Variants in ANO8 observed in about 807,000 individuals in gnomAD.
The protein encoded by ANO8 is anoctamin 8.
In ANO8, 67 loss-of-function variants were observed where a neutral mutation model predicts 120.4. The observed-to-expected ratio is 0.56, with a 90% CI of 0.46 to 0.68. ANO8 has a LOEUF of 0.68. Ranked by LOEUF, ANO8 falls within the 30% of genes least tolerant of loss-of-function variation. The pLI is 0.00. For missense variants in ANO8, 1,526 were observed against 1,737.6 expected (o/e 0.88, Z 2.16); for synonymous variants, 727 against 759.2 (o/e 0.96, Z 0.70).
Position 17,331,075 on chromosome 19 carries a change from C to T in ANO8, c.831+13G>A, listed in dbSNP as rs1349495579. On this transcript the variant is annotated intron_variant, in intron 7 of 17. Transcript: ENST00000159087. The stretch of plus-strand genomic sequence containing the variant: ...CTGGATCCCCCAGACCTTGCAGGGT[C>T]CCTGCCCAGTACCTGATCAGCCTCT... The T allele has an allele frequency of 2.5e-6, 4 of 1,614,142 alleles. No homozygotes were observed. The highest frequency in any genetic ancestry group is 1.3e-5 in the African/African-American group (1 of 75,062).
At chr19:17,329,422 C>T (rs935779606) in intron 12 of ANO8, 26 of 402,782 alleles carry the variant, frequency 6.5e-5, no homozygotes, top group Non-Finnish European at 1.0e-4. Context: ...TGGCCCGGGC[C>T]GCGAGCAGGA....
chr19:17,333,957 G>A lies in ANO8; in HGVS notation c.107-157C>T, dbSNP rs530227557. ...GCTTGGCTTATTTTCCTCCCTCCAC[G>A]TCCTTGTACCAGCCAGGCCTTCCTC... On this transcript the variant is annotated intron_variant, in intron 1 of 17. Transcript: ENST00000159087. This position sits in a 1 kb window ranked among gnomAD's most constrained non-coding sequence, Gnocchi z 7.2. Among the ~76,000 whole-genome samples the A allele has an allele frequency of 4.8e-4, 73 of 152,170 alleles. No individual in the cohort carries two copies. The highest frequency in any genetic ancestry group is 1.6e-3 in the African/African-American group (67 of 41,510).
At position 17,333,812 on chromosome 19, in the gene ANO8, C is replaced by T. The variant is rs757782296; in HGVS notation, c.107-12G>A. 3.2e-6 allele frequency: 5 copies of T among 1,571,334 alleles called. No homozygotes were observed. The highest frequency in any genetic ancestry group is 2.3e-5 in the South Asian group (2 of 85,742). ...TCCGAAAAGCTTATCTAGGGGGCGG[C>T]GTAGCAGGCCCGGGTCAGGCCACTC... On this transcript the variant is annotated splice_polypyrimidine_tract_variant and intron_variant, in intron 1 of 17. Transcript: ENST00000159087. This position sits in a 1 kb window ranked among gnomAD's most constrained non-coding sequence, Gnocchi z 7.2.
Position 17,328,373 on chromosome 19 carries a change from C to A in ANO8, c.2015G>T (p.Arg672Leu), listed in dbSNP as rs200489783. 2.6e-5 allele frequency: 41 copies of A among 1,573,798 alleles called. No individual in the cohort carries two copies. Among genetic ancestry groups the A allele is most frequent in the Non-Finnish European group, 3.2e-5 (37 of 1,164,464 alleles). Residue 672 changes from arginine (R) to leucine (L), a missense_variant, in exon 13 of 18, where the codon CGG becomes CTG. Arg to Leu is a moderately radical substitution (Grantham distance 102). Coordinates refer to ENST00000159087, the MANE Select transcript of ANO8 (RefSeq NM_020959.3). ...EAEGAPGSPE[R>L]EPPAILFRRA... ...GCGGAACAAGATGGCCGGGGGCTCC[C>A]GTTCAGGGCTGCCGGGAGCCCCCTC...
At position 17,325,272 on chromosome 19, in the gene ANO8, C is replaced by T. The variant is rs535470207; in HGVS notation, c.2776G>A (p.Gly926Ser). Residue 926 changes from glycine (G) to serine (S), a missense_variant, in exon 17 of 18, where the codon GGC becomes AGC. Physicochemically the swap from Gly to Ser is moderately conservative, Grantham distance 56. This residue lies in a region of ANO8 where 489 missense variants were observed against 548.6 expected (regional missense o/e 0.89). Transcript: ENST00000159087. ...CCCTCGGCCCTCGCCTCCTCTCGGCCACCAGAATCATGCTCCCGCCGGGCA... is the reference window on the plus strand; with the variant it reads ...CCCTCGGCCCTCGCCTCCTCTCGGCTACCAGAATCATGCTCCCGCCGGGCA... Reference protein sequence around the residue: ...HHARREHDSGGREEARAEGSG... With the variant: ...HHARREHDSGSREEARAEGSG... 3.1e-6 allele frequency: 5 copies of T among 1,608,122 alleles called. No individual in the cohort carries two copies. Among genetic ancestry groups the T allele is most frequent in the Admixed American group, 1.7e-5 (1 of 60,006 alleles).
At position 17,328,630 on chromosome 19, in the gene ANO8, G is replaced by A; in HGVS notation, c.1758C>T (p.Asp586=). The change falls in exon 13 of 18, where the codon GAC becomes GAT. Residue 586 remains aspartate (D), a synonymous_variant. Transcript: ENST00000159087. The part of the protein sequence containing the change: ...GPPGGKEEDE[D]DEEEEDEEEE... ...CCTCCTCGTCCTCCTCCTCCTCGTCGTCCTCGTCCTCCTCCTTGCCCCCTG... is the reference window on the plus strand; with the variant it reads ...CCTCCTCGTCCTCCTCCTCCTCGTCATCCTCGTCCTCCTCCTTGCCCCCTG... 6.5e-7 allele frequency: 1 copy of A among 1,527,132 alleles called. No homozygotes were observed. Among genetic ancestry groups the A allele is most frequent in the East Asian group, 2.5e-5 (1 of 40,384 alleles). 94.6% of individuals were successfully genotyped at this position (1,527,132 alleles called of 1,614,324 possible).
At chr19:17,325,529 C>T (rs987612331) in intron 16 of ANO8, 143 bp from the exon 17 acceptor site, 3 of 1,227,524 alleles carry the variant, frequency 2.4e-6, no homozygotes, top group Non-Finnish European at 3.3e-6. Flanking sequence ...CCTGCACCCA[C>T]AATGGGGGCT....
Position 17,332,986 on chromosome 19 carries a change from C to A in ANO8, c.530G>T (p.Arg177Leu), listed in dbSNP as rs755543209. 1 of 1,614,064 alleles carries A rather than the reference C, an allele frequency of 6.2e-7. No individual in the cohort carries two copies. The highest frequency in any genetic ancestry group is 1.3e-5 in the African/African-American group (1 of 74,956). ...GTGGAGTGCTTCTCCCTGCTTGGCA[C>A]GCAAATTCTGCAGCCAGAAGCGGAT... ...SIIRFWLQNL[R>L]AKQGEALHNV... The change falls in exon 5 of 18, where the codon CGT becomes CTT. Residue 177 changes from arginine to leucine, a missense_variant. Physicochemically the swap from Arg to Leu is moderately radical, Grantham distance 102. Around this residue, in one of 8 missense-constraint regions of ANO8, gnomAD observed 322 missense variants for 431.8 expected, o/e 0.75. Coordinates refer to ENST00000159087, the MANE Select transcript of ANO8 (RefSeq NM_020959.3).
At chr19:17,329,065 C>A in intron 12 of ANO8, 82 bp from the exon 13 acceptor site, 2 of 1,166,248 alleles carry the variant, frequency 1.7e-6, no homozygotes, top group South Asian at 1.8e-5. Context: ...TCCCTGGGCG[C>A]CCCGCCGGAG....
At chr19:17,327,640 A>G in intron 14 of ANO8, 49 bp downstream of exon 14, 1 of 1,607,596 alleles carries the variant, frequency 6.2e-7, no homozygotes, top group South Asian at 1.1e-5. Flanking sequence ...TCCCAGCTGC[A>G]CCTGGGCTCC....
intron 8 of ANO8, 112 bp from the exon 9 acceptor site, chr19:17,330,616 C>T (rs2074310672): frequency 5.7e-6 from 8 of 1,397,942 alleles, no homozygotes; most frequent in Non-Finnish European, 7.6e-6. Flanking sequence ...GGAGGTGACC[C>T]TCTCAGGTCA....
intron 12 of ANO8, chr19:17,329,498 A>G (rs2074301097): frequency 1.8e-6 from 1 of 542,894 alleles, no homozygotes. Context: ...CACCGCCTGC[A>G]GCTGCCGCTC....
chr19:17,325,162 C>A lies in ANO8; in HGVS notation c.2886G>T (p.Arg962=), dbSNP rs1364006935. 6.2e-7 allele frequency: 1 copy of A among 1,613,294 alleles called. No homozygotes were observed. Among genetic ancestry groups the A allele is most frequent in the Admixed American group, 1.7e-5 (1 of 59,990 alleles). ...GSTAGGHGPE[R]PKRPGSLLAP... Reference sequence around the variant, plus strand: ...CCAGCAGGGACCCTGGGCGCTTGGGCCGTTCAGGCCCGTGGCCACCCGCAG... The same window carrying A: ...CCAGCAGGGACCCTGGGCGCTTGGGACGTTCAGGCCCGTGGCCACCCGCAG... Residue 962 remains arginine (R), a synonymous_variant, in exon 17 of 18, where the codon CGG becomes CGT. Coordinates refer to ENST00000159087, the MANE Select transcript of ANO8 (RefSeq NM_020959.3).
intron 8 of ANO8, 75 bp downstream of exon 8, chr19:17,330,753 C>G: frequency 6.5e-7 from 1 of 1,534,106 alleles, no homozygotes; most frequent in East Asian, 2.3e-5. Flanking sequence ...CACCTCTCTG[C>G]CTTTGCTCCT....
At chr19:17,331,014 G>A (rs772456690) in intron 7 of ANO8, 25 bp from the exon 8 acceptor site, 26 of 1,613,916 alleles carry the variant, frequency 1.6e-5, no homozygotes, top group African/African-American at 4.0e-5. Context: ...GAAGAGTTGA[G>A]TCATTGTTTG....
intron 16 of ANO8, among the ~76,000 whole-genome samples, chr19:17,326,025 G>A (rs2074271743): frequency 6.6e-6 from 1 of 152,228 alleles, no homozygotes; most frequent in African/African-American, 2.4e-5. Flanking sequence ...GAGGCTTATT[G>A]GGTGCAACTG....
rs1200748641 is a variant in ANO8 at position 17,334,693 on chromosome 19, G to A, written c.-23C>T. 1 of 1,362,786 alleles carries A rather than the reference G, an allele frequency of 7.3e-7. No homozygotes were observed. Among genetic ancestry groups the A allele is most frequent in the Non-Finnish European group, 9.4e-7 (1 of 1,063,942 alleles). The allele number at this position is 1,362,786 out of a possible 1,614,324, so 84.4% of individuals were successfully genotyped here. On this transcript the variant is annotated 5_prime_UTR_variant, in exon 1 of 18. Transcript: ENST00000159087. ...CATGGCGAGGACAGGTCAGGTCAGG[G>A]GCTACGGACGGCCCGGGCGACGGGG...
At chr19:17,329,028 G>A (rs2074297589) in intron 12 of ANO8, 45 bp from the exon 13 acceptor site, 17 of 1,388,466 alleles carry the variant, frequency 1.2e-5, no homozygotes, top group Middle Eastern at 5.2e-4. Context: ...GGGGGCAAGC[G>A]GGGCGCCGGG....
chr19:17,330,287 G>C (rs1234329255), intron 9 of ANO8, 36 bp from the exon 10 acceptor site: 1 of 1,613,674 alleles, frequency 6.2e-7, no homozygotes, highest in Non-Finnish European at 8.5e-7. Flanking sequence ...CATCCCAGCT[G>C]CAGGGCTCAG....
Sources: gnomAD v4.1 joint callset for allele counts (sites outside exome capture counted in the v4.1 genomes callset) on GRCh38, gnomAD v4.1.1 for gene constraint, gnomAD v4.1.1 regional missense constraint, Gnocchi (gnomAD v3.1) non-coding constraint, MANE v1.5 for transcripts, NCBI Gene and HGNC (gene_info 2026-07-23, HGNC 2026-07-21) for gene names.